PCDHGA9: variants seen among roughly 807,000 people sequenced by gnomAD.
The protein encoded by PCDHGA9 is protocadherin gamma-A9.
A neutral mutation model predicts 62.5 loss-of-function variants in PCDHGA9; 37 were observed. The ratio of observed to expected loss-of-function variants is 0.59; its 90% CI spans 0.46 to 0.78. The LOEUF is 0.78. Ranked by LOEUF, PCDHGA9 falls within the 30% of genes least tolerant of loss-of-function variation. The probability of loss-of-function intolerance (pLI) is 0.00; values close to 1 mark genes in which losing one functional copy is unlikely to be tolerated. For synonymous variants in PCDHGA9, 459 were observed against 484.6 expected, an observed-to-expected ratio of 0.95 and a Z score of 0.69; for missense variants, 1,138 against 1,166.2, an observed-to-expected ratio of 0.98 and a Z score of 0.35.
chr5:141,485,221 C>G lies in PCDHGA9; in HGVS notation c.2425-9586C>G. ...GGACAGAAATCTGGCGGTGGGCTACCCTTTTGTTCCTCTTTTACCACCTGG... is the reference window on the plus strand; with the variant it reads ...GGACAGAAATCTGGCGGTGGGCTACGCTTTTGTTCCTCTTTTACCACCTGG... On this transcript the variant is annotated intron_variant, in intron 1 of 3. Transcript: ENST00000573521. The surrounding 1 kb of genome is among the most constrained non-coding windows in gnomAD (Gnocchi z 5.7). The G allele has an allele frequency of 6.2e-7, 1 of 1,614,118 alleles. No individual in the cohort carries two copies. Among genetic ancestry groups the G allele is most frequent in the Non-Finnish European group, 8.5e-7 (1 of 1,180,010 alleles).
intron 1 of PCDHGA9, among the ~76,000 whole-genome samples, chr5:141,471,737 A>G (rs2099263581): frequency 6.6e-6 from 1 of 152,232 alleles, no homozygotes; most frequent in Non-Finnish European, 1.5e-5. Context: ...AAGGTTGGAG[A>G]CATAACATAT....
At chr5:141,410,370 C>T (rs780808768) in intron 1 of PCDHGA9, 2 of 1,614,060 alleles carry the variant, frequency 1.2e-6, no homozygotes, top group South Asian at 2.2e-5. Flanking sequence ...AGCCCTGCTA[C>T]TTGGGACTGC....
chr5:141,429,955 A>G (rs971940539), intron 1 of PCDHGA9, among the ~76,000 whole-genome samples: 1 of 152,202 alleles, frequency 6.6e-6, no homozygotes, highest in Non-Finnish European at 1.5e-5. Context: ...TTTCCAGTCA[A>G]TGCAAGTTGG....
intron 2 of PCDHGA9, 84 bp downstream of exon 2, chr5:141,494,949 C>A (rs1193148622): frequency 6.2e-7 from 1 of 1,606,850 alleles, no homozygotes; most frequent in Non-Finnish European, 8.5e-7. Context: ...GAGGGCCCAG[C>A]ATTTGCTACA....
intron 1 of PCDHGA9, chr5:141,415,330 A>G (rs1326574664): frequency 1.2e-6 from 2 of 1,614,094 alleles, no homozygotes; most frequent in African/African-American, 2.7e-5. Context: ...GCTGGCGCAC[A>G]GGCTGCGGCG....
intron 2 of PCDHGA9, among the ~76,000 whole-genome samples, chr5:141,498,009 C>T (rs1160103624): frequency 6.6e-6 from 1 of 152,146 alleles, no homozygotes; most frequent in African/African-American, 2.4e-5. Context: ...TTACAGTGCA[C>T]TGAAGGAGAC....
At chr5:141,427,808 G>C (rs756554301) in intron 1 of PCDHGA9, 1 of 1,522,948 alleles carries the variant, frequency 6.6e-7, no homozygotes, top group Non-Finnish European at 9.0e-7. Context: ...TGAGCGCACA[G>C]AGCGGGGTGG....
Position 141,404,495 on chromosome 5 carries a change from T to A in PCDHGA9, c.1543T>A (p.Tyr515Asn). 1 of 1,613,920 alleles carries A rather than the reference T, an allele frequency of 6.2e-7. No homozygotes were observed. Among genetic ancestry groups the A allele is most frequent in the South Asian group, 1.1e-5 (1 of 91,082 alleles). Residue 515 changes from tyrosine (Y) to asparagine (N), a missense_variant, in exon 1 of 4, where the codon TAT becomes AAT. Coordinates refer to ENST00000573521, the MANE Select transcript of PCDHGA9 (RefSeq NM_018921.3). ...TATTAACTCAGACACTGGTGTGCTG[T>A]ATGCTCTGTGCTCCTTTGACTATGA... ...VSINSDTGVL[Y>N]ALCSFDYEQF...
Position 141,494,869 on chromosome 5 carries a change from G to A in PCDHGA9, c.2483+4G>A. 6.2e-7 allele frequency: 1 copy of A among 1,614,144 alleles called. No individual in the cohort carries two copies. Among genetic ancestry groups the A allele is most frequent in the Non-Finnish European group, 8.5e-7 (1 of 1,180,010 alleles). On this transcript the variant is annotated splice_donor_region_variant and intron_variant, in intron 2 of 3. Coordinates refer to ENST00000573521, the MANE Select transcript of PCDHGA9 (RefSeq NM_018921.3). The stretch of plus-strand genomic sequence containing the variant: ...CCCAGAGACCCGGCACCAGCGGGTA[G>A]GTGACTGATTCTCCAGCCCACCCTC...
At chr5:141,418,891 C>T in intron 1 of PCDHGA9, 2 of 1,613,842 alleles carry the variant, frequency 1.2e-6, no homozygotes, top group South Asian at 2.2e-5. Flanking sequence ...ACGACAACAG[C>T]CCAGAAATAA....
intron 1 of PCDHGA9, among the ~76,000 whole-genome samples, chr5:141,461,390 C>T (rs1220034894): frequency 2.0e-5 from 3 of 152,080 alleles, no homozygotes; most frequent in East Asian, 3.9e-4. Context: ...TGATGATTAG[C>T]GATGTTGAGC....
chr5:141,423,561 C>G (rs959698297), intron 1 of PCDHGA9: 7 of 1,613,628 alleles, frequency 4.3e-6, no homozygotes, highest in Non-Finnish European at 5.9e-6. Flanking sequence ...ACTATGGGGA[C>G]ACGCTCATCA....
At chr5:141,467,110 T>C (rs2099137137) in intron 1 of PCDHGA9, among the ~76,000 whole-genome samples, 1 of 151,604 alleles carries the variant, frequency 6.6e-6, no homozygotes, top group Non-Finnish European at 1.5e-5. Context: ...TGGAGTACAA[T>C]GGTGCAATCT....
Position 141,486,954 on chromosome 5 carries a change from C to T in PCDHGA9, c.2425-7853C>T, listed in dbSNP as rs764632268. 3.7e-6 allele frequency: 6 copies of T among 1,614,114 alleles called. 1 individual carries two copies. The South Asian group carries it at 6.6e-5, about 18-fold the overall frequency. On this transcript the variant is annotated intron_variant, in intron 1 of 3. Coordinates refer to ENST00000573521, the MANE Select transcript of PCDHGA9 (RefSeq NM_018921.3). The surrounding 1 kb of genome is among the most constrained non-coding windows in gnomAD (Gnocchi z 5.0). ...GCTGGCCACCTAATCACAAAGGTGA[C>T]TGCTGTGGACTTGGATTCAGGTTAC...
chr5:141,434,429 C>T (rs1379210960), intron 1 of PCDHGA9, among the ~76,000 whole-genome samples: 2 of 152,152 alleles, frequency 1.3e-5, no homozygotes, highest in Admixed American at 6.5e-5. Flanking sequence ...TCATGATGGC[C>T]GTAATGCCCA....
At chr5:141,415,754 T>C in intron 1 of PCDHGA9, 3 of 1,385,738 alleles carry the variant, frequency 2.2e-6, no homozygotes, top group South Asian at 1.7e-5. Context: ...TTTTTTTTTT[T>C]TTTTTTTTTT....
At position 141,432,412 on chromosome 5, in the gene PCDHGA9, C is replaced by G. The variant is rs773688197; in HGVS notation, c.2424+27036C>G. 1.9e-6 allele frequency: 3 copies of G among 1,614,246 alleles called. No individual in the cohort carries two copies. The highest frequency in any genetic ancestry group is 2.2e-5 in the East Asian group (1 of 44,882). ...GCAGCAACGTGTCGTTGAGCCTGTT[C>G]GTGCTGGACCAGAACGACAATGCGC... On this transcript the variant is annotated intron_variant, in intron 1 of 3. Transcript: ENST00000573521. This position sits in a 1 kb window ranked among gnomAD's most constrained non-coding sequence, Gnocchi z 6.0.
intron 1 of PCDHGA9, among the ~76,000 whole-genome samples, chr5:141,492,996 AG>A: frequency 6.6e-6 from 1 of 152,348 alleles, no homozygotes; most frequent in Admixed American, 6.5e-5. Flanking sequence ...GCAGATGGAA[AG>A]CTATAGGCTC....
At chr5:141,496,948 G>A (rs2099772844) in intron 2 of PCDHGA9, among the ~76,000 whole-genome samples, 1 of 151,826 alleles carries the variant, frequency 6.6e-6, no homozygotes, top group Admixed American at 6.6e-5. Context: ...CACTTTGGGA[G>A]GCCAAGGTGG....
Sources: gnomAD v4.1 joint callset for allele counts (sites outside exome capture counted in the v4.1 genomes callset) on GRCh38, gnomAD v4.1.1 for gene constraint, Gnocchi (gnomAD v3.1) non-coding constraint, MANE v1.5 for transcripts, NCBI Gene and HGNC (gene_info 2026-07-23, HGNC 2026-07-21) for gene names.